The following FGF14 variants were observed in gnomAD, a reference collection of about 807,000 sequenced individuals.
The protein encoded by FGF14 is fibroblast growth factor homologous factor 4.
In FGF14, 5 loss-of-function variants were observed where a neutral mutation model predicts 25.5. That is an observed-to-expected ratio of 0.20 (90% CI 0.10 to 0.41). The LOEUF (loss-of-function observed/expected upper bound fraction) is 0.41. Ranked by LOEUF, FGF14 falls within the 10% of genes least tolerant of loss-of-function variation. The probability of loss-of-function intolerance (pLI) is 1.00; values close to 1 mark genes in which losing one functional copy is unlikely to be tolerated. For missense variants in FGF14, 222 were observed against 320.1 expected (o/e 0.69, Z 2.34); for synonymous variants, 138 against 118.3 (o/e 1.17, Z -1.08).
chr13:101,998,882 TAG>T lies in FGF14; in HGVS notation c.209-123588_209-123587del, dbSNP rs1185272718. Reference sequence around the variant, plus strand: ...AATTACACACATAGCACAAAACACCTAGAGTGTCTGCTCTACAGTATGTGCTT... The same window carrying T: ...AATTACACACATAGCACAAAACACCTAGTGTCTGCTCTACAGTATGTGCTT... On this transcript the variant is annotated intron_variant, in intron 1 of 4. Transcript: ENST00000376131. 2.0e-5 allele frequency among the ~76,000 whole-genome samples: 3 copies of T among 152,228 alleles called. No individual in the cohort carries two copies. In the East Asian group the frequency reaches 5.8e-4, roughly 29 times the overall value.
chr13:102,387,785 G>A (rs2058340385), intron 1 of FGF14, among the ~76,000 whole-genome samples: 1 of 152,032 alleles, frequency 6.6e-6, no homozygotes. Flanking sequence ...AGGCTGGAGT[G>A]CAGTGGCACA....
At chr13:102,273,453 G>A (rs1178509056) in intron 1 of FGF14, among the ~76,000 whole-genome samples, 5 of 152,214 alleles carry the variant, frequency 3.3e-5, no homozygotes, top group African/African-American at 9.6e-5. Flanking sequence ...CCCTCAAAAC[G>A]ACTCAAGGCA....
At chr13:101,821,009 A>G (rs6491646) in intron 3 of FGF14, among the ~76,000 whole-genome samples, 85,780 of 140,390 alleles carry the variant, frequency 0.61, 26,475 homozygotes, top group East Asian at 0.67. Flanking sequence ...GTGCAGTGGC[A>G]TGATCTCGGC....
intron 1 of FGF14, among the ~76,000 whole-genome samples, chr13:102,282,384 T>C (rs935869956): frequency 6.6e-6 from 1 of 152,190 alleles, no homozygotes; most frequent in Non-Finnish European, 1.5e-5. Context: ...GGTTATCACA[T>C]AAGGAATCTG....
chr13:102,270,820 C>A (rs1227787503), intron 1 of FGF14, among the ~76,000 whole-genome samples: 3 of 151,862 alleles, frequency 2.0e-5, no homozygotes, highest in Non-Finnish European at 4.4e-5. Context: ...TATATTAGTC[C>A]TTTGTCATGT....
chr13:101,990,226 T>C (rs1283932028), intron 1 of FGF14, among the ~76,000 whole-genome samples: 1 of 151,978 alleles, frequency 6.6e-6, no homozygotes, highest in Non-Finnish European at 1.5e-5. Flanking sequence ...GCAGACATGG[T>C]TCATCAGTTA....
intron 1 of FGF14, among the ~76,000 whole-genome samples, chr13:102,352,672 G>T (rs1008721911): frequency 1.3e-5 from 2 of 151,956 alleles, no homozygotes; most frequent in East Asian, 1.9e-4. Context: ...ATTAGCCGGG[G>T]GCGGTGGTGG....
At chr13:101,731,967 A>C (rs181271450) in intron 3 of FGF14, among the ~76,000 whole-genome samples, 3 of 152,328 alleles carry the variant, frequency 2.0e-5, no homozygotes. Context: ...AAAGTTTGCC[A>C]ATCCTGATCT....
chr13:102,240,941 G>C (rs1032287894), intron 1 of FGF14, among the ~76,000 whole-genome samples: 1 of 152,048 alleles, frequency 6.6e-6, no homozygotes, highest in Non-Finnish European at 1.5e-5. Flanking sequence ...ATCATTAGGA[G>C]AAAAGGCAAA....
At chr13:102,359,851 G>GT (rs1444475545) in intron 1 of FGF14, among the ~76,000 whole-genome samples, 1 of 135,664 alleles carries the variant, frequency 7.4e-6, no homozygotes, top group African/African-American at 2.9e-5. Context: ...TCAACTTTAT[G>GT]TTAAAAAAAA....
upstream of FGF14, among the ~76,000 whole-genome samples, chr13:101,921,318 A>G (rs895658869): frequency 3.3e-5 from 5 of 152,152 alleles, no homozygotes; most frequent in African/African-American, 9.7e-5. Context: ...AGAGAGAGCT[A>G]TATTGAAACT....
chr13:102,100,930 T>C (rs9557804), intron 1 of FGF14, among the ~76,000 whole-genome samples: 58,881 of 151,962 alleles, frequency 0.39, 13,510 homozygotes, highest in Non-Finnish European at 0.51. Flanking sequence ...TGAAACTCTG[T>C]CTTTACAAAA....
intron 1 of FGF14, among the ~76,000 whole-genome samples, chr13:101,875,764 A>G (rs1026682484): frequency 2.6e-5 from 4 of 152,138 alleles, no homozygotes; most frequent in African/African-American, 7.2e-5. Context: ...AAAAATACCT[A>G]TATTTTAAAA....
intron 1 of FGF14, among the ~76,000 whole-genome samples, chr13:102,224,049 T>C (rs1260404414): frequency 6.6e-6 from 1 of 152,176 alleles, no homozygotes; most frequent in Admixed American, 6.5e-5. Context: ...GGCTTCTCTT[T>C]TCATACATAA....
rs1298257519 is a variant in FGF14 at position 102,400,570 on chromosome 13, C to T, written c.208+901G>A. On this transcript the variant is annotated intron_variant, in intron 1 of 4. Transcript: ENST00000376131. This position sits in a 1 kb window ranked among gnomAD's most constrained non-coding sequence, Gnocchi z 4.3. ...CCCCCAATCGCCTCGGACTGAGACG[C>T]GGGGACGGGAACCCCTGGGATCCGA... Among the ~76,000 whole-genome samples the T allele has an allele frequency of 6.6e-6, 1 of 152,192 alleles. No individual in the cohort carries two copies. The highest frequency in any genetic ancestry group is 1.5e-5 in the Non-Finnish European group (1 of 68,032).
chr13:102,226,158 G>A (rs979638449), intron 1 of FGF14, among the ~76,000 whole-genome samples: 2 of 152,192 alleles, frequency 1.3e-5, no homozygotes, highest in African/African-American at 4.8e-5. Flanking sequence ...GATGCTATAT[G>A]TGGTGGTTAC....
At chr13:101,845,167 A>G (rs2043389647) in intron 3 of FGF14, among the ~76,000 whole-genome samples, 1 of 152,056 alleles carries the variant, frequency 6.6e-6, no homozygotes, top group East Asian at 1.9e-4. Flanking sequence ...AAATTTCCTG[A>G]AAAATTAAAT....
intron 3 of FGF14, among the ~76,000 whole-genome samples, chr13:101,861,674 C>T (rs1331002358): frequency 6.6e-6 from 1 of 151,974 alleles, no homozygotes; most frequent in East Asian, 1.9e-4. Flanking sequence ...GAGTGCATGC[C>T]TCACCTAAAG....
chr13:101,902,926 G>T (rs2031754195), intron 1 of FGF14, among the ~76,000 whole-genome samples: 2 of 152,122 alleles, frequency 1.3e-5, no homozygotes, highest in African/African-American at 4.8e-5. Flanking sequence ...CTTATTTAGT[G>T]CTTCTCTCTC....
Sources: allele counts gnomAD v4.1 joint callset (sites outside exome capture counted in the v4.1 genomes callset), GRCh38; gene constraint gnomAD v4.1.1; non-coding constraint Gnocchi (gnomAD v3.1); transcripts MANE v1.5; gene names NCBI Gene and HGNC (gene_info 2026-07-23, HGNC 2026-07-21).